The following PIN4 variants were observed in gnomAD, a reference collection of about 807,000 sequenced individuals.
The protein encoded by PIN4 is peptidyl-prolyl cis-trans isomerase NIMA-interacting 4.
A neutral mutation model predicts 8.3 loss-of-function variants in PIN4; 3 were observed. That is an observed-to-expected ratio of 0.36 (90% CI 0.16 to 0.93). The LOEUF is 0.93. Among genes scored for constraint, PIN4 ranks in the 40% least tolerant of loss-of-function variants. The pLI is 0.44. For synonymous variants in PIN4, 18 were observed against 32.5 expected, an observed-to-expected ratio of 0.55 and a Z score of 1.52; for missense variants, 75 against 100.6, an observed-to-expected ratio of 0.75 and a Z score of 1.09.
chrX:72,203,968 C>T (rs764698604), intron 3 of PIN4, among the ~76,000 whole-genome samples: 24 of 111,945 alleles, frequency 2.1e-4, no homozygotes, highest in Non-Finnish European at 3.4e-4. Context: ...TCAGAATAGA[C>T]GAGATACCTG....
At chrX:72,250,736 G>GTTT (rs1230012818) in intron 3 of PIN4, among the ~76,000 whole-genome samples, 8 of 74,366 alleles carry the variant, frequency 1.1e-4, no homozygotes, top group Admixed American at 3.4e-4. Context: ...CTGGTATATG[G>GTTT]TTTTTTTTTT....
At chrX:72,213,848 C>T (rs1263199050) in intron 3 of PIN4, among the ~76,000 whole-genome samples, 2 of 111,808 alleles carry the variant, frequency 1.8e-5, no homozygotes, top group East Asian at 5.7e-4. Context: ...GGTCAGAGAA[C>T]AAAAGGCTTG....
chrX:72,223,243 A>G (rs6624611), intron 3 of PIN4, among the ~76,000 whole-genome samples: 1 of 101,152 alleles, frequency 9.9e-6, no homozygotes, highest in African/African-American at 3.6e-5. Flanking sequence ...GGGAGGCTGA[A>G]GCAGGAGAAT....
intron 3 of PIN4, among the ~76,000 whole-genome samples, chrX:72,240,233 T>A (rs928680583): frequency 3.6e-5 from 4 of 111,667 alleles, no homozygotes; most frequent in Non-Finnish European, 7.5e-5. Context: ...CCAACTAAGA[T>A]ACAGTCATTT....
intron 3 of PIN4, chrX:72,255,869 T>C (rs2043108198): frequency 9.0e-6 from 1 of 110,979 alleles, no homozygotes. Flanking sequence ...GCTCCTGAAT[T>C]AGGGACTGAA....
At chrX:72,235,118 A>G (rs1173880231) in intron 3 of PIN4, among the ~76,000 whole-genome samples, 1 of 112,084 alleles carries the variant, frequency 8.9e-6, no homozygotes, top group African/African-American at 3.2e-5. Flanking sequence ...AACACAAAGT[A>G]TTATCTTTTA....
intron 2 of PIN4, among the ~76,000 whole-genome samples, chrX:72,190,725 T>C (rs2042727481): frequency 9.1e-6 from 1 of 110,147 alleles, no homozygotes; most frequent in African/African-American, 3.3e-5. Context: ...GGCCAAGGCT[T>C]GCGGATCACC....
At chrX:72,232,474 T>C (rs1381057667) in intron 3 of PIN4, among the ~76,000 whole-genome samples, 1 of 101,092 alleles carries the variant, frequency 9.9e-6, no homozygotes, top group Non-Finnish European at 2.0e-5. Flanking sequence ...ATCTATAGAA[T>C]TCCAGCTAAT....
At chrX:72,196,729 C>T in intron 2 of PIN4, 56 bp from the exon 3 acceptor site, 16 of 1,082,951 alleles carry the variant, frequency 1.5e-5, no homozygotes, top group Non-Finnish European at 2.0e-5. Flanking sequence ...AACCACTGTA[C>T]TTTAAGGAGT....
Position 72,197,937 on chromosome X carries a change from G to T in PIN4, c.*411G>T. ...TTAGTGTGTGAGAATCATAAAATAA[G>T]TTCCTAGACAACATTTGTTTTACAT... On this transcript the variant is annotated 3_prime_UTR_variant, in exon 4 of 4. Transcript: ENST00000373669. The T allele has an allele frequency of 1.3e-6, 1 of 755,162 alleles. No homozygotes were observed. Among genetic ancestry groups the T allele is most frequent in the Non-Finnish European group, 1.6e-6 (1 of 637,647 alleles). The allele number at this position is 755,162 out of a possible 1,213,427, so 62.2% of individuals were successfully genotyped here. A position where few individuals can be genotyped will look rare whatever the true frequency, so the allele number is the denominator to read the frequency against.
chrX:72,191,956 T>C lies in PIN4; in HGVS notation c.118-4829T>C, dbSNP rs1429464802. ...TAAAATTCGTGGGTTTTTTTGTTTTTGTTTTTGTTTTTGAGATGGAGTCTC... is the reference window on the plus strand; with the variant it reads ...TAAAATTCGTGGGTTTTTTTGTTTTCGTTTTTGTTTTTGAGATGGAGTCTC... On this transcript the variant is annotated intron_variant, in intron 2 of 3. Coordinates refer to ENST00000373669, the MANE Select transcript of PIN4 (RefSeq NM_006223.4). 9.1e-5 allele frequency among the ~76,000 whole-genome samples: 10 copies of C among 110,455 alleles called. No individual in the cohort carries two copies. The East Asian group carries it at 2.8e-3, about 31-fold the overall frequency.
At chrX:72,254,293 T>G (rs2043100095) in intron 3 of PIN4, among the ~76,000 whole-genome samples, 1 of 111,898 alleles carries the variant, frequency 8.9e-6, no homozygotes, top group South Asian at 3.7e-4. Flanking sequence ...AATCTGAGCA[T>G]GGCTGGCTCC....
intron 2 of PIN4, among the ~76,000 whole-genome samples, chrX:72,196,200 G>A (rs1266562523): frequency 2.7e-5 from 3 of 110,857 alleles, no homozygotes; most frequent in Non-Finnish European, 3.8e-5. Flanking sequence ...AACCCGTATC[G>A]TGTTTCCTCC....
chrX:72,248,499 C>T (rs1378259198), intron 3 of PIN4, among the ~76,000 whole-genome samples: 1 of 110,579 alleles, frequency 9.0e-6, no homozygotes, highest in Admixed American at 9.7e-5. Flanking sequence ...GTCCAAGAAG[C>T]CAGGCAGATA....
chrX:72,207,019 C>T, intron 3 of PIN4: 1 of 1,211,477 alleles, frequency 8.3e-7, no homozygotes, highest in Non-Finnish European at 1.1e-6. Flanking sequence ...AGTGATTAGC[C>T]TATAAACCAC....
intron 3 of PIN4, among the ~76,000 whole-genome samples, chrX:72,213,004 A>G (rs920317532): frequency 7.1e-5 from 8 of 112,167 alleles, no homozygotes; most frequent in Non-Finnish European, 1.3e-4. Context: ...ACTCAATAAA[A>G]CTTTGTTTTC....
intron 3 of PIN4, chrX:72,208,609 T>C (rs2042834860): frequency 8.3e-7 from 1 of 1,211,493 alleles, no homozygotes; most frequent in Non-Finnish European, 1.1e-6. Flanking sequence ...CACTTTTTCA[T>C]TGGGAAAAAT....
At chrX:72,225,497 A>G (rs1260559254) in intron 3 of PIN4, among the ~76,000 whole-genome samples, 1 of 112,370 alleles carries the variant, frequency 8.9e-6, no homozygotes, top group Non-Finnish European at 1.9e-5. Context: ...CAAAAGTCTC[A>G]TACCTAGGAT....
At position 72,197,826 on chromosome X, in the gene PIN4, A is replaced by T; in HGVS notation, c.*300A>T. The stretch of plus-strand genomic sequence containing the variant: ...CTATATCTGACTCTCAGTCTGTCCC[A>T]TAAATTAATTCAGAAACCATCTTCA... On this transcript the variant is annotated 3_prime_UTR_variant, in exon 4 of 4. Transcript: ENST00000373669. 3.8e-6 allele frequency: 3 copies of T among 786,104 alleles called. No individual in the cohort carries two copies. The highest frequency in any genetic ancestry group is 4.6e-6 in the Non-Finnish European group (3 of 658,120). 64.8% of individuals were successfully genotyped at this position (786,104 alleles called of 1,213,427 possible). A position where few individuals can be genotyped will look rare whatever the true frequency, so the allele number is the denominator to read the frequency against.
Sources: gnomAD v4.1 joint callset for allele counts (sites outside exome capture counted in the v4.1 genomes callset) on GRCh38, gnomAD v4.1.1 for gene constraint, MANE v1.5 for transcripts, NCBI Gene and HGNC (gene_info 2026-07-23, HGNC 2026-07-21) for gene names.